Variants in OTOGL observed in about 807,000 individuals in gnomAD.
OTOGL encodes the protein otogelin-like protein.
In OTOGL, 285 loss-of-function variants were observed where a neutral mutation model predicts 318.5. The ratio of observed to expected loss-of-function variants is 0.89; its 90% confidence interval spans 0.81 to 0.99. OTOGL has a LOEUF of 0.99. Ranked by LOEUF, OTOGL falls within the 50% of genes least tolerant of loss-of-function variation. OTOGL has a pLI of 0.00. For synonymous variants in OTOGL, 987 were observed against 936.5 expected (o/e 1.05, Z -0.99); for missense variants, 2,899 against 2,845.6 (o/e 1.02, Z -0.43).
intron 1 of OTOGL, among the ~76,000 whole-genome samples, chr12:80,129,082 A>G (rs891974943): frequency 6.6e-6 from 1 of 152,086 alleles, no homozygotes; most frequent in Non-Finnish European, 1.5e-5. Context: ...AGTGAGATGA[A>G]CCCAGTACCT....
intron 25 of OTOGL, 72 bp from the exon 26 acceptor site, chr12:80,278,956 A>G: frequency 1.3e-6 from 2 of 1,508,570 alleles, no homozygotes; most frequent in South Asian, 1.1e-5. Flanking sequence ...AGACATTCCA[A>G]TGTTGCTGTC....
At chr12:80,163,337 G>T (rs1182287779) in intron 1 of OTOGL, among the ~76,000 whole-genome samples, 1 of 151,752 alleles carries the variant, frequency 6.6e-6, no homozygotes, top group Non-Finnish European at 1.5e-5. Context: ...AACAAATAGT[G>T]GAATGACAGA....
intron 26 of OTOGL, among the ~76,000 whole-genome samples, chr12:80,293,202 T>G (rs1885162680): frequency 6.6e-6 from 1 of 152,230 alleles, no homozygotes; most frequent in Non-Finnish European, 1.5e-5. Flanking sequence ...CTTCCCTTTT[T>G]TTCTTGCCGT....
chr12:80,114,745 G>A (rs1433436971), intron 1 of OTOGL, among the ~76,000 whole-genome samples: 1 of 152,048 alleles, frequency 6.6e-6, no homozygotes, highest in Admixed American at 6.6e-5. Context: ...TCACTTTCAT[G>A]TATACCAATC....
chr12:80,189,406 A>G (rs749066210), intron 1 of OTOGL: 83 of 985,024 alleles, frequency 8.4e-5, no homozygotes, highest in Non-Finnish European at 9.8e-5. Flanking sequence ...CCAATTGACC[A>G]AACAAGACCC....
At chr12:80,338,510 T>C (rs1296430624) in intron 42 of OTOGL, among the ~76,000 whole-genome samples, 1 of 152,052 alleles carries the variant, frequency 6.6e-6, no homozygotes, top group East Asian at 1.9e-4. Context: ...AATCCTTGGA[T>C]TGCCTACATT....
chr12:80,109,690 A>G (rs1222284790), intron 1 of OTOGL, among the ~76,000 whole-genome samples: 2 of 152,206 alleles, frequency 1.3e-5, no homozygotes, highest in African/African-American at 4.8e-5. Context: ...GGCCAGATCC[A>G]ATATCAAAGG....
At chr12:80,360,731 T>C (rs1054619272) in intron 52 of OTOGL, among the ~76,000 whole-genome samples, 3 of 151,966 alleles carry the variant, frequency 2.0e-5, no homozygotes, top group Non-Finnish European at 2.9e-5. Context: ...CTGCTCGCCT[T>C]GGACTCCCAA....
At chr12:80,358,451 T>G in intron 50 of OTOGL, 102 bp downstream of exon 50, 1 of 982,940 alleles carries the variant, frequency 1.0e-6, no homozygotes, top group East Asian at 2.6e-5. Flanking sequence ...TTTCAAAGTT[T>G]TTCATTTGAT....
chr12:80,270,243 C>G, intron 23 of OTOGL, 89 bp downstream of exon 23: 1 of 1,081,548 alleles, frequency 9.2e-7, no homozygotes, highest in Admixed American at 2.0e-5. Context: ...ACCTCTTCTT[C>G]CCAATGTGCA....
At chr12:80,207,226 A>G (rs1226408171) in intron 1 of OTOGL, among the ~76,000 whole-genome samples, 1 of 151,428 alleles carries the variant, frequency 6.6e-6, no homozygotes, top group Non-Finnish European at 1.5e-5. Context: ...TTTGATATGG[A>G]GTTTTACTCT....
chr12:80,232,127 T>A (rs1018410093), intron 8 of OTOGL, among the ~76,000 whole-genome samples: 1 of 152,206 alleles, frequency 6.6e-6, no homozygotes, highest in Non-Finnish European at 1.5e-5. Context: ...TATGTGCATA[T>A]GCTTGTGAAA....
intron 4 of OTOGL, among the ~76,000 whole-genome samples, chr12:80,216,055 C>T (rs998064757): frequency 1.3e-5 from 2 of 152,114 alleles, no homozygotes; most frequent in Non-Finnish European, 2.9e-5. Context: ...TGGCATGCGC[C>T]TGCAGTCCCA....
intron 45 of OTOGL, 51 bp downstream of exon 45, chr12:80,352,487 T>C: frequency 5.0e-6 from 7 of 1,402,248 alleles, no homozygotes; most frequent in Non-Finnish European, 5.7e-6. Flanking sequence ...ATTTCACTTT[T>C]GCAATCACTT....
intron 19 of OTOGL, 111 bp from the exon 20 acceptor site, chr12:80,264,890 G>A: frequency 9.1e-7 from 1 of 1,101,234 alleles, no homozygotes; most frequent in Admixed American, 2.1e-5. Context: ...GTTCACTCTT[G>A]TATTAAAAGT....
At chr12:80,174,671 T>C (rs1874413231) in intron 1 of OTOGL, among the ~76,000 whole-genome samples, 1 of 152,174 alleles carries the variant, frequency 6.6e-6, no homozygotes, top group South Asian at 2.1e-4. Flanking sequence ...TTTATGTATC[T>C]CCCAACAGTA....
At position 80,287,365 on chromosome 12, in the gene OTOGL, T is replaced by C. The variant is rs531651005; in HGVS notation, c.2928+8199T>C. Among the ~76,000 whole-genome samples the C allele has an allele frequency of 3.6e-4, 55 of 151,854 alleles. 3 individuals are homozygous for C. The highest frequency in any genetic ancestry group is 1.2e-3 in the African/African-American group (51 of 41,118). ...GTGTGATGTGGTGCTAAGAAGAATG[T>C]ATATTCTGTTGATTTGGGGTGGAGA... On this transcript the variant is annotated intron_variant, in intron 26 of 58. Coordinates refer to ENST00000547103, the MANE Select transcript of OTOGL (RefSeq NM_001378609.3).
At position 80,158,436 on chromosome 12, in the gene OTOGL, TA is replaced by T. The variant is rs1169833082; in HGVS notation, c.-19-50976del. 2.0e-5 allele frequency among the ~76,000 whole-genome samples: 3 copies of T among 152,160 alleles called. No individual in the cohort carries two copies. The East Asian group carries it at 5.8e-4, about 29-fold the overall frequency. On this transcript the variant is annotated intron_variant, in intron 1 of 58. Transcript: ENST00000547103. ...TTTAGAGTAAGGGATTGTGTGGTCA[TA>T]CAGATTTCAGAAAAAGGAAAGGTTA...
intron 1 of OTOGL, among the ~76,000 whole-genome samples, chr12:80,208,718 G>A (rs1300858453): frequency 6.6e-6 from 1 of 152,164 alleles, no homozygotes; most frequent in Non-Finnish European, 1.5e-5. Context: ...TGAAGGGAAA[G>A]TTTTCAGGGC....
Sources: gnomAD v4.1 joint callset for allele counts (sites outside exome capture counted in the v4.1 genomes callset) on GRCh38, gnomAD v4.1.1 for gene constraint, MANE v1.5 for transcripts, NCBI Gene and HGNC (gene_info 2026-07-23, HGNC 2026-07-21) for gene names.